The following SYNPR variants were observed in gnomAD, a reference collection of about 807,000 sequenced individuals.
The protein encoded by SYNPR is synaptoporin.
A neutral mutation model predicts 32.9 loss-of-function variants in SYNPR; 23 were observed. The ratio of observed to expected loss-of-function variants is 0.70; its 90% CI spans 0.50 to 0.99. The LOEUF is 0.99. Among genes scored for constraint, SYNPR ranks in the 50% least tolerant of loss-of-function variants. The pLI is 0.00. For synonymous variants in SYNPR, 146 were observed against 135.9 expected, an observed-to-expected ratio of 1.07 and a Z score of -0.52; for missense variants, 318 against 349.3, an observed-to-expected ratio of 0.91 and a Z score of 0.71.
chr3:63,220,595 T>C, the SYNPR span, among the ~76,000 whole-genome samples: 2 of 152,208 alleles, frequency 1.3e-5, no homozygotes, highest in Non-Finnish European at 2.9e-5. Flanking sequence ...GTGGGATTTC[T>C]GGTGCCGTGA....
intron 2 of SYNPR, among the ~76,000 whole-genome samples, chr3:63,296,083 G>T (rs904143390): frequency 6.6e-6 from 1 of 152,120 alleles, no homozygotes; most frequent in Non-Finnish European, 1.5e-5. Flanking sequence ...CCTGCATGGG[G>T]CCATCATATG....
At chr3:63,451,214 T>C (rs1250259969) in intron 2 of SYNPR, among the ~76,000 whole-genome samples, 1 of 152,144 alleles carries the variant, frequency 6.6e-6, no homozygotes, top group Non-Finnish European at 1.5e-5. Context: ...GACAATAGCA[T>C]TGTTATTTTC....
intron 2 of SYNPR, among the ~76,000 whole-genome samples, chr3:63,343,007 G>A (rs1307876280): frequency 3.3e-5 from 5 of 152,184 alleles, no homozygotes; most frequent in African/African-American, 1.2e-4. Context: ...TGCCGGAGGA[G>A]GTGATATGTG....
At chr3:63,556,939 T>C (rs1702605618) in intron 4 of SYNPR, among the ~76,000 whole-genome samples, 198 bp downstream of exon 4, 1 of 152,126 alleles carries the variant, frequency 6.6e-6, no homozygotes, top group African/African-American at 2.4e-5. Flanking sequence ...TGGGAAAGTA[T>C]CACCCAACTT....
chr3:63,373,621 G>C (rs543584279), intron 2 of SYNPR, among the ~76,000 whole-genome samples: 1 of 152,268 alleles, frequency 6.6e-6, no homozygotes, highest in South Asian at 2.1e-4. Context: ...AACGTTGAAA[G>C]TGATGGGAAG....
chr3:63,580,402 G>T (rs1206547835), intron 4 of SYNPR, among the ~76,000 whole-genome samples: 1 of 152,182 alleles, frequency 6.6e-6, no homozygotes, highest in Admixed American at 6.5e-5. Context: ...GGCATGACCT[G>T]TGGGGAGTTA....
intron 2 of SYNPR, among the ~76,000 whole-genome samples, chr3:63,391,085 A>C (rs954901709): frequency 6.6e-6 from 1 of 152,226 alleles, no homozygotes; most frequent in Non-Finnish European, 1.5e-5. Context: ...CTTAATAATA[A>C]TCTTTGGCCT....
At chr3:63,446,413 T>A (rs960312157) in intron 2 of SYNPR, among the ~76,000 whole-genome samples, 2 of 152,090 alleles carry the variant, frequency 1.3e-5, no homozygotes, top group South Asian at 4.1e-4. Context: ...ATAAGCATGC[T>A]GAGAAGCGTG....
intron 2 of SYNPR, among the ~76,000 whole-genome samples, chr3:63,399,793 C>T (rs545347936): frequency 8.5e-5 from 13 of 152,290 alleles, no homozygotes; most frequent in East Asian, 1.9e-4. Flanking sequence ...CTCCCACTGA[C>T]GCATATTTTC....
chr3:63,237,650 G>A (rs2086209650), intron 1 of SYNPR, among the ~76,000 whole-genome samples: 1 of 151,928 alleles, frequency 6.6e-6, no homozygotes, highest in Non-Finnish European at 1.5e-5. Context: ...ATTATGTTAG[G>A]GGACTCAAGG....
At chr3:63,502,436 T>C (rs566623323) in intron 3 of SYNPR, among the ~76,000 whole-genome samples, 1 of 152,246 alleles carries the variant, frequency 6.6e-6, no homozygotes, top group African/African-American at 2.4e-5. Flanking sequence ...GGGTTCACTC[T>C]TGTTGTTGTA....
chr3:63,388,708 G>A (rs1041652267), intron 2 of SYNPR, among the ~76,000 whole-genome samples: 7 of 151,970 alleles, frequency 4.6e-5, no homozygotes, highest in East Asian at 3.9e-4. Context: ...GATTATAGGC[G>A]TGAGCCACCA....
At chr3:63,614,025 C>A (rs993834648) in intron 5 of SYNPR, among the ~76,000 whole-genome samples, 12 of 132,064 alleles carry the variant, frequency 9.1e-5, no homozygotes, top group Non-Finnish European at 1.5e-4. Flanking sequence ...TACACCAGTG[C>A]CCCCTCTGCC....
chr3:63,328,572 C>T (rs2087190828), intron 2 of SYNPR, among the ~76,000 whole-genome samples: 2 of 152,156 alleles, frequency 1.3e-5, no homozygotes, highest in African/African-American at 2.4e-5. Flanking sequence ...AGCAAAATTG[C>T]TGGTGACTAA....
chr3:63,607,915 T>C (rs1459526054), intron 4 of SYNPR, among the ~76,000 whole-genome samples: 2 of 152,184 alleles, frequency 1.3e-5, no homozygotes, highest in Non-Finnish European at 2.9e-5. Context: ...TCAGATGCAC[T>C]ATGCCCTCGG....
chr3:63,437,669 A>C (rs1418285184), intron 2 of SYNPR, among the ~76,000 whole-genome samples: 1 of 151,994 alleles, frequency 6.6e-6, no homozygotes, highest in East Asian at 1.9e-4. Context: ...GAGAGAAAGA[A>C]AGAAAAAGAA....
In SYNPR at chr3:63,479,916, G is replaced by T. The variant is rs1701012672; in HGVS notation, c.85-916G>T. ...TTTCCAGTAGTGACCCCAAACTATT[G>T]TAAGAAGCTGAATTCCAAAGTTAAG... On this transcript the variant is annotated intron_variant, in intron 2 of 5. Transcript: ENST00000478300. 2.0e-5 allele frequency among the ~76,000 whole-genome samples: 3 copies of T among 152,162 alleles called. No individual in the cohort carries two copies. In the South Asian group the frequency reaches 6.2e-4, roughly 31 times the overall value.
At chr3:63,398,841 A>T (rs926745995) in intron 2 of SYNPR, among the ~76,000 whole-genome samples, 2 of 152,238 alleles carry the variant, frequency 1.3e-5, no homozygotes, top group African/African-American at 4.8e-5. Context: ...GGGACCACAG[A>T]TGGTGAACTG....
chr3:63,556,780 T>G, intron 4 of SYNPR, 39 bp downstream of exon 4: 1 of 1,547,524 alleles, frequency 6.5e-7, no homozygotes, highest in Admixed American at 2.0e-5. Flanking sequence ...TTTCTGTTCC[T>G]TCTAATTTCT....
Sources: gnomAD v4.1 joint callset for allele counts (sites outside exome capture counted in the v4.1 genomes callset) on GRCh38, gnomAD v4.1.1 for gene constraint, MANE v1.5 for transcripts, NCBI Gene and HGNC (gene_info 2026-07-23, HGNC 2026-07-21) for gene names.